Variants in AP4B1 observed in about 807,000 individuals in gnomAD.
AP4B1 encodes the protein AP-4 complex subunit beta-1.
AP4B1 carries 49 observed loss-of-function variants against 76.5 expected under a neutral mutation model. That is an observed-to-expected ratio of 0.64 (90% confidence interval 0.51 to 0.81). The LOEUF (loss-of-function observed/expected upper bound fraction) is 0.81, where lower values mean the gene tolerates loss of function less well. Among genes scored for constraint, AP4B1 ranks in the 40% least tolerant of loss-of-function variants. The probability of loss-of-function intolerance (pLI) is 0.00; values close to 1 mark genes in which losing one functional copy is unlikely to be tolerated. For synonymous variants in AP4B1, 330 were observed against 333.3 expected (o/e 0.99, Z 0.11); for missense variants, 911 against 904.9 (o/e 1.01, Z -0.09).
At chr1:113,896,184 C>A in intron 8 of AP4B1, 74 bp downstream of exon 8, 1 of 1,600,688 alleles carries the variant, frequency 6.2e-7, no homozygotes, top group South Asian at 1.1e-5. Flanking sequence ...AGACGTGACT[C>A]ACCAAACAAT....
At position 113,895,878 on chromosome 1, in the gene AP4B1, G is replaced by C; in HGVS notation, c.1671C>G (p.Ala557=). 6.2e-7 allele frequency: 1 copy of C among 1,614,210 alleles called. No homozygotes were observed. Among genetic ancestry groups the C allele is most frequent in the South Asian group, 1.1e-5 (1 of 91,084 alleles). ...CTGGCACCAGTGTGTTGAAGTCTGAGGCCCAGCTATTCACAGGTCTTTCTG... is the reference window on the plus strand; with the variant it reads ...CTGGCACCAGTGTGTTGAAGTCTGACGCCCAGCTATTCACAGGTCTTTCTG... ...DPAERPVNSW[A]SDFNTLVPVY... Residue 557 remains alanine (A), a synonymous_variant, in exon 9 of 10, where the codon GCC becomes GCG. Transcript: ENST00000369569.
In AP4B1 at chr1:113,895,626, C is replaced by T. The variant is rs79561229; in HGVS notation, c.1792+131G>A. The T allele has an allele frequency of 4.2e-3, 6,512 of 1,533,944 alleles. 281 individuals carry two copies. The Admixed American group carries it at 0.076, about 18-fold the overall frequency. On this transcript the variant is annotated intron_variant, in intron 9 of 9. Transcript: ENST00000369569. ...GGCTGAAATAACCAGTGACGAACCT[C>T]TTTCTTGCTCACAAATGCTTCAAAT...
In AP4B1 at chr1:113,900,276, T is replaced by C; in HGVS notation, c.742A>G (p.Ser248Gly). 5.6e-6 allele frequency: 9 copies of C among 1,605,130 alleles called. No individual in the cohort carries two copies. Among genetic ancestry groups the C allele is most frequent in the Non-Finnish European group, 7.7e-6 (9 of 1,174,916 alleles). ...NLLDSFLKSS[S>G]PGVVMGATKL... Reference sequence around the variant, plus strand: ...GTAGCTCCCATCACCACACCTGGGCTACTGCTCTTGAGGAAACTATCCAAC... The same window carrying C: ...GTAGCTCCCATCACCACACCTGGGCCACTGCTCTTGAGGAAACTATCCAAC... Residue 248 changes from serine to glycine, a missense_variant, in exon 5 of 10, where the codon AGC becomes GGC. By Grantham distance (56) the Ser-to-Gly change is moderately conservative. Coordinates refer to ENST00000369569, the MANE Select transcript of AP4B1 (RefSeq NM_001253852.3).
intron 1 of AP4B1, 145 bp downstream of exon 1, chr1:113,904,460 G>A (rs1383607389): frequency 3.8e-6 from 3 of 798,856 alleles, no homozygotes; most frequent in Admixed American, 3.4e-5. Flanking sequence ...GACTGACATG[G>A]TACTCCAAAG....
rs1299678181 is a variant in AP4B1 at position 113,901,903 on chromosome 1, G to A, written c.339-18C>T. The A allele has an allele frequency of 6.2e-7, 1 of 1,613,920 alleles. No homozygotes were observed. Among genetic ancestry groups the A allele is most frequent in the South Asian group, 1.1e-5 (1 of 91,034 alleles). ...CAGGCATCCTAAGCAACACATCCTG[G>A]AGTTAGCCAGATTCTGAAATACTAA... On this transcript the variant is annotated intron_variant, in intron 2 of 9. Coordinates refer to ENST00000369569, the MANE Select transcript of AP4B1 (RefSeq NM_001253852.3).
At position 113,901,397 on chromosome 1, in the gene AP4B1, C is replaced by A; in HGVS notation, c.470-14G>T. 2 of 1,613,110 alleles carry A rather than the reference C, an allele frequency of 1.2e-6. No homozygotes were observed. The highest frequency in any genetic ancestry group is 1.7e-6 in the Non-Finnish European group (2 of 1,179,218). On this transcript the variant is annotated splice_polypyrimidine_tract_variant and intron_variant, in intron 3 of 9. Transcript: ENST00000369569. Reference sequence around the variant, plus strand: ...CCAGGGCACCATCTATAAAAAAGAACAAAGTTCTTAGATAAAGAAGGAAAG... The same window carrying A: ...CCAGGGCACCATCTATAAAAAAGAAAAAAGTTCTTAGATAAAGAAGGAAAG...
At chr1:113,902,306 C>T (rs1248769362) in intron 2 of AP4B1, among the ~76,000 whole-genome samples, 2 of 152,208 alleles carry the variant, frequency 1.3e-5, no homozygotes, top group African/African-American at 4.8e-5. Flanking sequence ...GCTGGGTCTA[C>T]AGGCATGAGC....
rs763580496 is a variant in AP4B1, at chr1:113,899,799, C to T, written c.1114+105G>A. 1.6e-5 allele frequency: 26 copies of T among 1,582,378 alleles called. No homozygotes were observed. In the African/African-American group the frequency reaches 3.2e-4, roughly 20 times the overall value. On this transcript the variant is annotated intron_variant, in intron 5 of 9. Coordinates refer to ENST00000369569, the MANE Select transcript of AP4B1 (RefSeq NM_001253852.3). ...CAATTATTTAGTGCATAGTACTTTGCTTCTGAAGCAAGATTCATGCCCTTT... is the reference window on the plus strand; with the variant it reads ...CAATTATTTAGTGCATAGTACTTTGTTTCTGAAGCAAGATTCATGCCCTTT...
At chr1:113,901,995 T>C in intron 2 of AP4B1, 110 bp from the exon 3 acceptor site, 2 of 1,356,198 alleles carry the variant, frequency 1.5e-6, no homozygotes, top group Middle Eastern at 1.8e-4. Context: ...CATCAGATCA[T>C]GAAGAATTGC....
Position 113,896,436 on chromosome 1 carries a change from ACCAAGTAG to A in AP4B1, c.1324_1331del (p.Leu442CysfsTer8), listed in dbSNP as rs1367674744. 1 of 1,614,254 alleles carries A rather than the reference ACCAAGTAG, an allele frequency of 6.2e-7. No homozygotes were observed. The highest frequency in any genetic ancestry group is 2.2e-5 in the East Asian group (1 of 44,886). ...CATTAGGAATTCTTTCCCCATGGAC[ACCAAGTAG>A]CCAAATAAGTGCTTGCTTCCCCTAG... On this transcript the variant is annotated frameshift_variant, in exon 8 of 10. Transcript: ENST00000369569. LOFTEE classifies it high-confidence loss of function.
chr1:113,898,874 C>G (rs1452343953), intron 5 of AP4B1, 73 bp from the exon 6 acceptor site: 1 of 1,171,514 alleles, frequency 8.5e-7, no homozygotes, highest in Non-Finnish European at 1.2e-6. Context: ...CATCTCCCAC[C>G]AGTGAAAGAC....
Position 113,901,677 on chromosome 1 carries a change from C to T in AP4B1, c.469+78G>A, listed in dbSNP as rs143683107. On this transcript the variant is annotated intron_variant, in intron 3 of 9. Transcript: ENST00000369569. ...AGAACTGGGGCCACATTATTATTTT[C>T]TACCAAAGCCACACAATCTTTTTTA... 30 of 1,585,010 alleles carry T rather than the reference C, an allele frequency of 1.9e-5. No individual in the cohort carries two copies. In the African/African-American group the frequency reaches 2.3e-4, roughly 12 times the overall value.
chr1:113,899,269 C>T (rs1667910542), intron 5 of AP4B1: 32 of 1,017,888 alleles, frequency 3.1e-5, no homozygotes, highest in Admixed American at 5.3e-5. Flanking sequence ...TACTTGAAAT[C>T]CTTCAAAACT....
chr1:113,900,748 C>A, intron 4 of AP4B1: 1 of 308,858 alleles, frequency 3.2e-6, no homozygotes, highest in Non-Finnish European at 6.1e-6. Context: ...TTTCTATTTC[C>A]CTATATCAAT....
In AP4B1 at chr1:113,900,385, G is replaced by A. The variant is rs1272936481; in HGVS notation, c.633C>T (p.Asp211=). Residue 211 remains aspartate (D), a synonymous_variant, in exon 5 of 10, where the codon GAC becomes GAT. Coordinates refer to ENST00000369569, the MANE Select transcript of AP4B1 (RefSeq NM_001253852.3). ...TCAATACTTCAGCCTGGCCCCATTG[G>A]TCCAGTTTTGACATTCTATCCAAAA... is the stretch of plus-strand genomic sequence containing the variant. ...HHLLNRMSKL[D]QWGQAEVLNF... 1.2e-6 allele frequency: 2 copies of A among 1,613,324 alleles called. No individual in the cohort carries two copies. Among genetic ancestry groups the A allele is most frequent in the Middle Eastern group, 1.7e-4 (1 of 6,060 alleles).
chr1:113,899,309 T>A, intron 5 of AP4B1: 1 of 1,017,974 alleles, frequency 9.8e-7, no homozygotes, highest in African/African-American at 1.7e-5. Flanking sequence ...AGTTTTTGAG[T>A]CACTCCAGCC....
chr1:113,904,483 G>C, intron 1 of AP4B1, 122 bp downstream of exon 1: 1 of 919,086 alleles, frequency 1.1e-6, no homozygotes, highest in African/African-American at 1.6e-5. Flanking sequence ...GCAGGACGAA[G>C]ACCGAACCAT....
Position 113,899,600 on chromosome 1 carries a change from T to C in AP4B1, c.1114+304A>G, listed in dbSNP as rs562044729. Among the ~76,000 whole-genome samples the C allele has an allele frequency of 3.3e-5, 5 of 152,294 alleles. No individual in the cohort carries two copies. In the South Asian group the frequency reaches 8.3e-4, roughly 25 times the overall value. ...TTTTCCTGACTGTCTCACGATACTGTGGTAAGATGATGTATAGGAAAGCAT... is the reference window on the plus strand; with the variant it reads ...TTTTCCTGACTGTCTCACGATACTGCGGTAAGATGATGTATAGGAAAGCAT... On this transcript the variant is annotated intron_variant, in intron 5 of 9. Transcript: ENST00000369569.
At position 113,895,342 on chromosome 1, in the gene AP4B1, C is replaced by T; in HGVS notation, c.1943G>A (p.Trp648Ter). 1 of 1,614,164 alleles carries T rather than the reference C, an allele frequency of 6.2e-7. No homozygotes were observed. Among genetic ancestry groups the T allele is most frequent in the South Asian group, 1.1e-5 (1 of 91,090 alleles). The change falls in exon 10 of 10, where the codon TGG becomes TAG. Residue 648 changes from tryptophan to a stop codon, truncating the protein, a stop_gained. Coordinates refer to ENST00000369569, the MANE Select transcript of AP4B1 (RefSeq NM_001253852.3). LOFTEE classifies it high-confidence loss of function. ...GGTGTCAGGATGGAATTCTCCCCGCCAAGGCAACACTTGCTGATGAGCAAC... is the reference window on the plus strand; with the variant it reads ...GGTGTCAGGATGGAATTCTCCCCGCTAAGGCAACACTTGCTGATGAGCAAC... ...LKVAHQQVLP[W>*]RGEFHPDTLQ... is the part of the protein sequence containing the mutation.
Sources: gnomAD v4.1 joint callset for allele counts (sites outside exome capture counted in the v4.1 genomes callset) on GRCh38, gnomAD v4.1.1 for gene constraint, MANE v1.5 for transcripts, NCBI Gene and HGNC (gene_info 2026-07-23, HGNC 2026-07-21) for gene names.